FCGR3A: variants seen among roughly 807,000 people sequenced by gnomAD.
The protein encoded by FCGR3A is low affinity immunoglobulin gamma Fc region receptor III-A.
In FCGR3A, 13 loss-of-function variants were observed where a neutral mutation model predicts 24.1. The ratio of observed to expected loss-of-function variants is 0.54; its 90% CI spans 0.35 to 0.86. The LOEUF is 0.86. FCGR3A is among the 40% of genes least tolerant of loss of function. The pLI, the probability that FCGR3A is intolerant of heterozygous loss-of-function variation, is 0.01. For missense variants in FCGR3A, 235 were observed against 298.0 expected (o/e 0.79, Z 1.56); for synonymous variants, 93 against 112.2 (o/e 0.83, Z 1.08).
chr1:161,550,304 C>T (rs1379347774), upstream of FCGR3A, among the ~76,000 whole-genome samples: 9 of 152,332 alleles, frequency 5.9e-5, no homozygotes, highest in Admixed American at 2.6e-4. Context: ...ATTATCTCCA[C>T]GCAGAATTTC....
intron 3 of FCGR3A, among the ~76,000 whole-genome samples, chr1:161,545,994 A>G (rs1048831069): frequency 2.0e-5 from 3 of 152,120 alleles, no homozygotes; most frequent in Non-Finnish European, 4.4e-5. Flanking sequence ...TTACTTTTAT[A>G]TATTTTTGAA....
Position 161,541,972 on chromosome 1 carries a change from C to G in FCGR3A, c.*1040G>C, listed in dbSNP as rs1677132939. 1 of 152,222 alleles carries G rather than the reference C, an allele frequency of 6.6e-6. No individual in the cohort carries two copies. Among genetic ancestry groups the G allele is most frequent in the Non-Finnish European group, 1.5e-5 (1 of 68,006 alleles). The allele number at this position is 152,222 out of a possible 1,614,324, so 9.4% of individuals were successfully genotyped here. ...GATGAAGGATTTGAAAGTTTCATAA[C>G]TTAACTCAGCGAAGCTCAGTAGTAC... is the stretch of plus-strand genomic sequence containing the variant. On this transcript the variant is annotated 3_prime_UTR_variant, in exon 5 of 5. Coordinates refer to ENST00000443193, the MANE Select transcript of FCGR3A (RefSeq NM_000569.8).
At chr1:161,544,667 G>A (rs778457220) in intron 4 of FCGR3A, 34 bp downstream of exon 4, 16 of 1,602,742 alleles carry the variant, frequency 1.0e-5, no homozygotes, top group African/African-American at 1.3e-5. Context: ...ACACACAGGC[G>A]TCCCTGGGCA....
In FCGR3A at chr1:161,549,102, T is replaced by A. The variant is rs984035809; in HGVS notation, c.41-71A>T. 3.7e-6 allele frequency: 5 copies of A among 1,357,774 alleles called. No individual in the cohort carries two copies. The African/African-American group carries it at 5.7e-5, about 15-fold the overall frequency. The allele number at this position is 1,357,774 out of a possible 1,614,324, so 84.1% of individuals were successfully genotyped here. ...AGAGTGATTAGAACATAGAGTGAGT[T>A]TAAAACTCCCCTGCCCTCCTCTGCC... On this transcript the variant is annotated intron_variant, in intron 1 of 4. Coordinates refer to ENST00000443193, the MANE Select transcript of FCGR3A (RefSeq NM_000569.8).
Position 161,548,636 on chromosome 1 carries a change from T to C in FCGR3A, c.104A>G (p.Tyr35Cys), listed in dbSNP as rs1677584964. The C allele has an allele frequency of 6.2e-7, 1 of 1,613,922 alleles. No individual in the cohort carries two copies. The highest frequency in any genetic ancestry group is 8.5e-7 in the Non-Finnish European group (1 of 1,179,824). ...CACACTGTCCTTCTCGAGCACCCTG[T>C]ACCATTGAGGCTCCAGGAACACCAC... ...KAVVFLEPQW[Y>C]RVLEKDSVTL... is the part of the protein sequence containing the mutation. The change falls in exon 3 of 5, where the codon TAC (tyrosine) becomes TGC (cysteine). Residue 35 changes from tyrosine (Y) to cysteine (C), a missense_variant. Transcript: ENST00000443193.
chr1:161,545,180 A>G (rs1166306957), intron 3 of FCGR3A, among the ~76,000 whole-genome samples: 6 of 152,120 alleles, frequency 3.9e-5, no homozygotes, highest in Non-Finnish European at 8.8e-5. Flanking sequence ...CACACATGTG[A>G]TCAACACACA....
intron 3 of FCGR3A, among the ~76,000 whole-genome samples, chr1:161,547,079 T>A (rs561693800): frequency 6.6e-6 from 1 of 152,250 alleles, no homozygotes; most frequent in African/African-American, 2.4e-5. Flanking sequence ...TGGCTAGACT[T>A]CTAAAGCCAG....
Position 161,549,035 on chromosome 1 carries a change from C to A in FCGR3A, c.41-4G>T, listed in dbSNP as rs749451617. 1.3e-5 allele frequency: 21 copies of A among 1,588,914 alleles called. 1 individual carries two copies. The highest frequency in any genetic ancestry group is 1.7e-5 in the Non-Finnish European group (20 of 1,159,988). On this transcript the variant is annotated splice_polypyrimidine_tract_variant and splice_region_variant and intron_variant, in intron 1 of 4. Coordinates refer to ENST00000443193, the MANE Select transcript of FCGR3A (RefSeq NM_000569.8). ...CCAGTCCGCATGCCAGCTGAAACTGCAAGAAAAAAGATAAATCAAATATTG... is the reference window on the plus strand; with the variant it reads ...CCAGTCCGCATGCCAGCTGAAACTGAAAGAAAAAAGATAAATCAAATATTG...
Position 161,542,819 on chromosome 1 carries a change from C to G in FCGR3A, c.*193G>C. On this transcript the variant is annotated 3_prime_UTR_variant, in exon 5 of 5. Coordinates refer to ENST00000443193, the MANE Select transcript of FCGR3A (RefSeq NM_000569.8). ...GAATGCAGCTACTCACTGGGGCTTC[C>G]CTGCTTGAAGATCATGGGCTTTTCC... 4 of 490,244 alleles carry G rather than the reference C, an allele frequency of 8.2e-6. No individual in the cohort carries two copies. Among genetic ancestry groups the G allele is most frequent in the Non-Finnish European group, 1.5e-5 (4 of 273,100 alleles). 30.4% of individuals were successfully genotyped at this position (490,244 alleles called of 1,614,324 possible). A position where few individuals can be genotyped will look rare whatever the true frequency, so the allele number is the denominator to read the frequency against.
chr1:161,549,955 G>T, upstream of FCGR3A: 1 of 1,304,298 alleles, frequency 7.7e-7, no homozygotes, highest in Non-Finnish European at 1.1e-6. Context: ...GAGCCTGGAG[G>T]CAAGGTGGGT....
In FCGR3A at chr1:161,543,861, TG is replaced by T. The variant is rs147191164; in HGVS notation, c.578-663del. Among the ~76,000 whole-genome samples, 12 of 152,370 alleles carry T rather than the reference TG, an allele frequency of 7.9e-5. No homozygotes were observed. The South Asian group carries it at 2.5e-3, about 32-fold the overall frequency. On this transcript the variant is annotated intron_variant, in intron 4 of 4. Coordinates refer to ENST00000443193, the MANE Select transcript of FCGR3A (RefSeq NM_000569.8). ...GTTACAGATAGAAGTTCTGTGAAAC[TG>T]GAAAGTCCAGGCACACCACTCTAGA...
At chr1:161,547,212 G>T (rs1677458747) in intron 3 of FCGR3A, among the ~76,000 whole-genome samples, 1 of 152,084 alleles carries the variant, frequency 6.6e-6, no homozygotes, top group African/African-American at 2.4e-5. Flanking sequence ...GCTAGAAATG[G>T]ACATATCTTC....
chr1:161,542,970 G>C lies in FCGR3A; in HGVS notation c.*42C>G, dbSNP rs1216410239. On this transcript the variant is annotated 3_prime_UTR_variant, in exon 5 of 5. Coordinates refer to ENST00000443193, the MANE Select transcript of FCGR3A (RefSeq NM_000569.8). Reference sequence around the variant, plus strand: ...TTGCAAATCCAGAGAAATGTTCAGAGATGCTGCTGCTACTGCTCTTATTAC... The same window carrying C: ...TTGCAAATCCAGAGAAATGTTCAGACATGCTGCTGCTACTGCTCTTATTAC... 2 of 1,505,996 alleles carry C rather than the reference G, an allele frequency of 1.3e-6. No homozygotes were observed. The highest frequency in any genetic ancestry group is 1.8e-6 in the Non-Finnish European group (2 of 1,103,394). The allele number at this position is 1,505,996 out of a possible 1,614,324, so 93.3% of individuals were successfully genotyped here.
intron 3 of FCGR3A, among the ~76,000 whole-genome samples, chr1:161,547,510 G>T (rs1006402620): frequency 6.6e-6 from 1 of 152,160 alleles, no homozygotes; most frequent in Non-Finnish European, 1.5e-5. Context: ...TCCTACCTGT[G>T]TCTGACGTCT....
In FCGR3A at chr1:161,544,652, G is replaced by C. The variant is rs376491870; in HGVS notation, c.577+49C>G. 191 of 1,595,656 alleles carry C rather than the reference G, an allele frequency of 1.2e-4. 4 individuals are homozygous for C. Among genetic ancestry groups the C allele is most frequent in the Non-Finnish European group, 1.6e-4 (185 of 1,169,688 alleles). ...ACTCAACTTCCCAGTGTGATTGCAG[G>C]TTCCACACACAGGCGTCCCTGGGCA... On this transcript the variant is annotated intron_variant, in intron 4 of 4. Transcript: ENST00000443193.
chr1:161,544,052 G>T (rs1226700229), intron 4 of FCGR3A, among the ~76,000 whole-genome samples: 6 of 152,290 alleles, frequency 3.9e-5, no homozygotes, highest in African/African-American at 1.4e-4. Context: ...ATTTATTTTT[G>T]CACCTCGGTT....
intron 3 of FCGR3A, chr1:161,545,822 G>A (rs1296860829): frequency 6.6e-6 from 1 of 151,946 alleles, no homozygotes; most frequent in African/African-American, 2.4e-5. Context: ...TATTATAATG[G>A]CATAAGAAAA....
chr1:161,542,964 T>G lies in FCGR3A; in HGVS notation c.*48A>C, dbSNP rs756249160. On this transcript the variant is annotated 3_prime_UTR_variant, in exon 5 of 5. Transcript: ENST00000443193. ...ATGGGGTTGCAAATCCAGAGAAATG[T>G]TCAGAGATGCTGCTGCTACTGCTCT... 2 of 1,481,308 alleles carry G rather than the reference T, an allele frequency of 1.4e-6. No homozygotes were observed. The highest frequency in any genetic ancestry group is 1.8e-6 in the Non-Finnish European group (2 of 1,084,266). The allele number at this position is 1,481,308 out of a possible 1,614,324, so 91.8% of individuals were successfully genotyped here.
intron 3 of FCGR3A, among the ~76,000 whole-genome samples, chr1:161,546,460 T>C (rs1246849202): frequency 1.3e-5 from 2 of 152,024 alleles, no homozygotes; most frequent in East Asian, 3.8e-4. Flanking sequence ...ATGGGACATA[T>C]AGTTCTCAGC....
Sources: allele counts gnomAD v4.1 joint callset (sites outside exome capture counted in the v4.1 genomes callset), GRCh38; gene constraint gnomAD v4.1.1; transcripts MANE v1.5; gene names NCBI Gene and HGNC (gene_info 2026-07-23, HGNC 2026-07-21).